The following PRKCQ variants were observed in gnomAD, a reference collection of about 807,000 sequenced individuals.
PRKCQ encodes protein kinase C theta type.
In PRKCQ, 41 loss-of-function variants were observed where a neutral mutation model predicts 91.2. The observed-to-expected ratio is 0.45, with a 90% CI of 0.35 to 0.58. PRKCQ has a LOEUF of 0.58. PRKCQ is among the 20% of genes least tolerant of loss of function. The pLI, the probability that PRKCQ is intolerant of heterozygous loss-of-function variation, is 0.00. For synonymous variants in PRKCQ, 307 were observed against 316.9 expected (o/e 0.97, Z 0.33); for missense variants, 673 against 896.5 (o/e 0.75, Z 3.18).
intron 1 of PRKCQ, among the ~76,000 whole-genome samples, chr10:6,536,242 TTTGCTGAG>T (rs973955316): frequency 2.6e-5 from 4 of 152,184 alleles, no homozygotes; most frequent in African/African-American, 9.7e-5. Flanking sequence ...TCAATGTCCC[TTTGCTGAG>T]GGGTATAACC....
At chr10:6,457,803 C>A (rs1287678587) in intron 14 of PRKCQ, among the ~76,000 whole-genome samples, 1 of 152,126 alleles carries the variant, frequency 6.6e-6, no homozygotes, top group Admixed American at 6.5e-5. Context: ...CACAGTAATG[C>A]CCAATATTGA....
Position 6,479,159 on chromosome 10 carries a change from G to A in PRKCQ, c.1186C>T (p.Leu396=), listed in dbSNP as rs778070626. The A allele has an allele frequency of 1.2e-6, 2 of 1,613,808 alleles. No individual in the cohort carries two copies. The highest frequency in any genetic ancestry group is 1.7e-6 in the Non-Finnish European group (2 of 1,179,852). ...LGKGSFGKVF[L]AEFKKTNQFF... ...TGATTGGTTTTCTTGAATTCTGCCA[G>A]GAAGACCTAGAAGGAGAGGGAAGAA... Residue 396 remains leucine, a synonymous_variant, in exon 12 of 18, where the codon CTG becomes TTG. Transcript: ENST00000263125.
At chr10:6,471,775 GACA>G (rs554087273) in intron 12 of PRKCQ, among the ~76,000 whole-genome samples, 6 of 151,836 alleles carry the variant, frequency 4.0e-5, no homozygotes, top group Non-Finnish European at 7.4e-5. Context: ...ACACAACAAT[GACA>G]ACAACAACAA....
At chr10:6,491,851 G>A in intron 7 of PRKCQ, 39 bp from the exon 8 acceptor site, 2 of 1,613,670 alleles carry the variant, frequency 1.2e-6, no homozygotes, top group Non-Finnish European at 1.7e-6. Context: ...TGTATTCCTG[G>A]GGCCCCGACT....
intron 1 of PRKCQ, among the ~76,000 whole-genome samples, chr10:6,536,239 C>G (rs541741163): frequency 6.6e-6 from 1 of 152,324 alleles, no homozygotes; most frequent in South Asian, 2.1e-4. Flanking sequence ...CCTTCAATGT[C>G]CCTTTGCTGA....
At chr10:6,446,152 G>T (rs1834278609) in intron 15 of PRKCQ, among the ~76,000 whole-genome samples, 2 of 152,096 alleles carry the variant, frequency 1.3e-5, no homozygotes, top group African/African-American at 2.4e-5. Flanking sequence ...GAACCCCCCT[G>T]AGCTAGGCAC....
intron 1 of PRKCQ, among the ~76,000 whole-genome samples, chr10:6,548,087 C>A (rs1206276007): frequency 6.6e-6 from 1 of 152,206 alleles, no homozygotes; most frequent in Non-Finnish European, 1.5e-5. Flanking sequence ...TGAGCAGACA[C>A]TTCTCAAAAG....
chr10:6,455,661 A>G (rs911975657), intron 15 of PRKCQ, among the ~76,000 whole-genome samples: 3 of 152,178 alleles, frequency 2.0e-5, no homozygotes, highest in African/African-American at 7.2e-5. Context: ...AGGTCCTTAG[A>G]TGTAAAAGTG....
chr10:6,464,594 T>C (rs1326038711), intron 12 of PRKCQ, among the ~76,000 whole-genome samples, 190 bp from the exon 13 acceptor site: 5 of 152,166 alleles, frequency 3.3e-5, no homozygotes, highest in Non-Finnish European at 5.9e-5. Flanking sequence ...ACTACAGGCA[T>C]GCACCACCAG....
chr10:6,527,820 C>T (rs1048124549), intron 1 of PRKCQ, among the ~76,000 whole-genome samples: 28 of 152,140 alleles, frequency 1.8e-4, no homozygotes, highest in Non-Finnish European at 5.9e-5. Flanking sequence ...TCCACATTCC[C>T]CTACAAAACA....
chr10:6,443,185 G>C (rs112555006), intron 15 of PRKCQ, among the ~76,000 whole-genome samples: 3,014 of 152,280 alleles, frequency 0.02, 41 homozygotes, highest in South Asian at 0.035. Flanking sequence ...TTTGGACATT[G>C]GAAGGTAGAG....
chr10:6,518,847 A>G (rs1287232664), intron 1 of PRKCQ, among the ~76,000 whole-genome samples: 1 of 152,222 alleles, frequency 6.6e-6, no homozygotes, highest in Non-Finnish European at 1.5e-5. Context: ...AAAGAAAAAT[A>G]TATAATAAAA....
chr10:6,501,803 G>A (rs967632804), intron 4 of PRKCQ, among the ~76,000 whole-genome samples: 42 of 151,668 alleles, frequency 2.8e-4, no homozygotes, highest in African/African-American at 7.5e-4. Flanking sequence ...CAGCCTGGGC[G>A]ACATGAGCGA....
At chr10:6,399,589 G>A in the PRKCQ span, among the ~76,000 whole-genome samples, 2 of 152,130 alleles carry the variant, frequency 1.3e-5, no homozygotes, top group African/African-American at 4.8e-5. Context: ...AGGTCAAGAG[G>A]CAGAAGAGAG....
At chr10:6,545,458 G>A (rs191255809) in intron 1 of PRKCQ, among the ~76,000 whole-genome samples, 1 of 152,316 alleles carries the variant, frequency 6.6e-6, no homozygotes, top group African/African-American at 2.4e-5. Flanking sequence ...GAAACTTGGG[G>A]ACATTATGCT....
intron 7 of PRKCQ, 94 bp downstream of exon 7, chr10:6,496,941 C>G: frequency 8.9e-7 from 1 of 1,119,436 alleles, no homozygotes; most frequent in Non-Finnish European, 1.3e-6. Flanking sequence ...TGGGAGGATG[C>G]AAGTTCTGGC....
chr10:6,554,813 T>C (rs148358357), intron 1 of PRKCQ, among the ~76,000 whole-genome samples: 76 of 151,958 alleles, frequency 5.0e-4, no homozygotes, highest in Non-Finnish European at 1.0e-3. Flanking sequence ...CAAAAGAAAA[T>C]AAATCACCCT....
intron 1 of PRKCQ, among the ~76,000 whole-genome samples, chr10:6,539,000 G>A (rs562235447): frequency 1.5e-4 from 23 of 152,246 alleles, no homozygotes; most frequent in African/African-American, 5.1e-4. Context: ...CTGAGCTCAG[G>A]CAATCTGCCC....
chr10:6,569,151 T>C (rs1489013359), intron 1 of PRKCQ, among the ~76,000 whole-genome samples: 1 of 152,188 alleles, frequency 6.6e-6, no homozygotes, highest in Non-Finnish European at 1.5e-5. Flanking sequence ...TAATATTTAC[T>C]GAGCACCTAC....
Sources: gnomAD v4.1 joint callset for allele counts (sites outside exome capture counted in the v4.1 genomes callset) on GRCh38, gnomAD v4.1.1 for gene constraint, MANE v1.5 for transcripts, NCBI Gene and HGNC (gene_info 2026-07-23, HGNC 2026-07-21) for gene names.